FSIP1: variants seen among roughly 807,000 people sequenced by gnomAD.
FSIP1 encodes fibrous sheath-interacting protein 1.
FSIP1 carries 65 observed loss-of-function variants against 60.9 expected under a neutral mutation model. The ratio of observed to expected loss-of-function variants is 1.07; its 90% confidence interval spans 0.87 to 1.31. The LOEUF (loss-of-function observed/expected upper bound fraction) is 1.31, where lower values mean the gene tolerates loss of function less well. FSIP1 is among the 40% of genes most tolerant of loss of function. FSIP1 has a pLI of 0.00. For synonymous variants in FSIP1, 209 were observed against 221.2 expected, an observed-to-expected ratio of 0.94 and a Z score of 0.49; for missense variants, 675 against 665.5, an observed-to-expected ratio of 1.01 and a Z score of -0.16.
chr15:39,671,060 T>C (rs1326172422), intron 10 of FSIP1, among the ~76,000 whole-genome samples: 1 of 152,236 alleles, frequency 6.6e-6, no homozygotes, highest in Non-Finnish European at 1.5e-5. Context: ...CTTGTTTTTA[T>C]TAATGTGTAA....
intron 10 of FSIP1, among the ~76,000 whole-genome samples, chr15:39,629,265 T>C (rs2412413): frequency 0.15 from 22,691 of 152,072 alleles, 1,911 homozygotes; most frequent in East Asian, 0.32. Context: ...GAGGTAAAGA[T>C]TGGCATGTGA....
intron 10 of FSIP1, among the ~76,000 whole-genome samples, chr15:39,707,292 T>TTTTC (rs1895314349): frequency 6.6e-6 from 1 of 152,172 alleles, no homozygotes; most frequent in African/African-American, 2.4e-5. Context: ...ACCATTGCTT[T>TTTTC]TTTCTCATCT....
chr15:39,778,448 G>T (rs1217788352), intron 1 of FSIP1, among the ~76,000 whole-genome samples: 1 of 152,218 alleles, frequency 6.6e-6, no homozygotes. Context: ...TGCAGTTCCT[G>T]AGGTAGGTGG....
At chr15:39,735,239 TG>T (rs1363295048) in intron 8 of FSIP1, among the ~76,000 whole-genome samples, 1 of 152,218 alleles carries the variant, frequency 6.6e-6, no homozygotes, top group Non-Finnish European at 1.5e-5. Flanking sequence ...ATTCTGTCAT[TG>T]TGCAAAAATC....
rs535573110 is a variant in FSIP1, at chr15:39,653,494, C to CA, written c.1189-35250dup. Among the ~76,000 whole-genome samples, 6 of 152,152 alleles carry CA rather than the reference C, an allele frequency of 3.9e-5. No homozygotes were observed. In the South Asian group the frequency reaches 1.2e-3, roughly 32 times the overall value. The stretch of plus-strand genomic sequence containing the variant: ...TTAAAACACAAACACATTAGCTGTA[C>CA]AAAAAAACTTTCTTTCTTTATATCC... On this transcript the variant is annotated intron_variant, in intron 10 of 11. Coordinates refer to ENST00000350221, the MANE Select transcript of FSIP1 (RefSeq NM_152597.5).
intron 10 of FSIP1, among the ~76,000 whole-genome samples, chr15:39,699,896 G>A (rs1320530147): frequency 6.6e-6 from 1 of 152,140 alleles, no homozygotes; most frequent in Non-Finnish European, 1.5e-5. Flanking sequence ...TAGTTCACAA[G>A]TATTAAGGCC....
chr15:39,704,513 T>C (rs987444263), intron 10 of FSIP1, among the ~76,000 whole-genome samples: 19 of 152,354 alleles, frequency 1.2e-4, no homozygotes, highest in Non-Finnish European at 2.5e-4. Context: ...GGCTGAACTA[T>C]ACGGACGTGA....
chr15:39,671,962 G>C (rs1192122657), intron 10 of FSIP1, among the ~76,000 whole-genome samples: 2 of 152,162 alleles, frequency 1.3e-5, no homozygotes, highest in Non-Finnish European at 2.9e-5. Flanking sequence ...AATCCAACTA[G>C]AGTCACCTAC....
intron 5 of FSIP1, among the ~76,000 whole-genome samples, chr15:39,759,465 T>C (rs1395900245): frequency 3.3e-5 from 5 of 152,204 alleles, no homozygotes; most frequent in Admixed American, 3.3e-4. Flanking sequence ...AATATTCAGA[T>C]ACAATGTGGG....
At chr15:39,723,283 C>T (rs891498459) in intron 9 of FSIP1, among the ~76,000 whole-genome samples, 1 of 152,186 alleles carries the variant, frequency 6.6e-6, no homozygotes, top group Non-Finnish European at 1.5e-5. Flanking sequence ...GGCTGGAGTA[C>T]AGTGGCGCGA....
At chr15:39,653,228 T>C (rs1183542495) in intron 10 of FSIP1, among the ~76,000 whole-genome samples, 1 of 151,452 alleles carries the variant, frequency 6.6e-6, no homozygotes, top group Non-Finnish European at 1.5e-5. Flanking sequence ...GATTACTGAT[T>C]AGGGCACTTA....
At chr15:39,718,251 T>TAC (rs199605968) in intron 9 of FSIP1, among the ~76,000 whole-genome samples, 2,527 of 151,662 alleles carry the variant, frequency 0.017, 70 homozygotes, top group African/African-American at 0.057. Context: ...GATATAGATA[T>TAC]ACACACACAC....
chr15:39,770,603 G>A lies in FSIP1; in HGVS notation c.134C>T (p.Thr45Ile). 6.7e-7 allele frequency: 1 copy of A among 1,491,574 alleles called. No homozygotes were observed. The highest frequency in any genetic ancestry group is 8.9e-7 in the Non-Finnish European group (1 of 1,120,150). 92.4% of individuals were successfully genotyped at this position (1,491,574 alleles called of 1,614,324 possible). A position where few individuals can be genotyped will look rare whatever the true frequency, so the allele number is the denominator to read the frequency against. The change falls in exon 3 of 12, where the codon ACT becomes ATT. Residue 45 changes from threonine (T) to isoleucine (I), a missense_variant. By Grantham distance (89) the Thr-to-Ile change is moderately conservative. Coordinates refer to ENST00000350221, the MANE Select transcript of FSIP1 (RefSeq NM_152597.5). ...STEPGSFKVDTASNLNSGKED... is the reference protein window; with the variant it reads ...STEPGSFKVDIASNLNSGKED... ...TTTACCAGAGTTCAAGTTGCTTGCA[G>A]TATCGACCTAAAAATAATTTCAAAA...
intron 10 of FSIP1, among the ~76,000 whole-genome samples, chr15:39,640,368 C>T (rs1214984298): frequency 1.3e-5 from 2 of 152,190 alleles, no homozygotes; most frequent in Non-Finnish European, 2.9e-5. Context: ...TAGTGGTCTC[C>T]TCCTTGCTCC....
intron 11 of FSIP1, among the ~76,000 whole-genome samples, chr15:39,610,114 G>T (rs962783912): frequency 6.6e-6 from 1 of 151,810 alleles, no homozygotes; most frequent in Non-Finnish European, 1.5e-5. Context: ...CCCCAATAAT[G>T]GACCCTGAAA....
rs371390969 is a variant in FSIP1 at position 39,646,805 on chromosome 15, G to A, written c.1189-28560C>T. Among the ~76,000 whole-genome samples the A allele has an allele frequency of 3.4e-4, 52 of 152,012 alleles. No homozygotes were observed. In the East Asian group the frequency reaches 8.3e-3, roughly 24 times the overall value. On this transcript the variant is annotated intron_variant, in intron 10 of 11. Transcript: ENST00000350221. The stretch of plus-strand genomic sequence containing the variant: ...TTGCAGCATTATTCACAATAGTCAA[G>A]ATACTGAAACAACTGAAATGTCTGT...
intron 9 of FSIP1, among the ~76,000 whole-genome samples, chr15:39,714,694 C>T (rs1429327312): frequency 2.6e-5 from 4 of 151,634 alleles, no homozygotes; most frequent in African/African-American, 9.7e-5. Flanking sequence ...ACAGGACAGG[C>T]CTGGTGGCTC....
intron 2 of FSIP1, among the ~76,000 whole-genome samples, chr15:39,775,406 T>C (rs779152252): frequency 3.3e-5 from 5 of 152,078 alleles, no homozygotes; most frequent in Non-Finnish European, 7.4e-5. Context: ...TGTTCAATTA[T>C]TCATTTCCTA....
chr15:39,603,479 G>C (rs1595522178), intron 11 of FSIP1, among the ~76,000 whole-genome samples: 1 of 152,356 alleles, frequency 6.6e-6, no homozygotes, highest in Non-Finnish European at 1.5e-5. Flanking sequence ...TAGCTTAAAT[G>C]CCAGGCCGGC....
Sources: gnomAD v4.1 joint callset for allele counts (sites outside exome capture counted in the v4.1 genomes callset) on GRCh38, gnomAD v4.1.1 for gene constraint, MANE v1.5 for transcripts, NCBI Gene and HGNC (gene_info 2026-07-23, HGNC 2026-07-21) for gene names.